The following P3H2 variants were observed in gnomAD, a reference collection of about 807,000 sequenced individuals.
P3H2 encodes the protein prolyl 3-hydroxylase 2.
P3H2 carries 80 observed loss-of-function variants against 87.0 expected under a neutral mutation model. That is an observed-to-expected ratio of 0.92 (90% CI 0.77 to 1.11). The LOEUF (loss-of-function observed/expected upper bound fraction) is 1.11, where lower values mean the gene tolerates loss of function less well. Ranked by LOEUF, P3H2 falls within the 50% of genes least tolerant of loss-of-function variation. The pLI is 0.00. For missense variants in P3H2, 1,001 were observed against 923.9 expected (o/e 1.08, Z -1.08); for synonymous variants, 367 against 359.3 (o/e 1.02, Z -0.24).
At chr3:190,001,611 C>T (rs796638727) in intron 1 of P3H2, among the ~76,000 whole-genome samples, 116 of 152,258 alleles carry the variant, frequency 7.6e-4, no homozygotes, top group African/African-American at 2.7e-3. Flanking sequence ...TGTTTCTAAG[C>T]CACAGCGCAA....
intron 1 of P3H2, among the ~76,000 whole-genome samples, chr3:190,045,722 A>G (rs909610447): frequency 2.0e-5 from 3 of 152,148 alleles, no homozygotes; most frequent in Non-Finnish European, 4.4e-5. Flanking sequence ...CAATCAGTTG[A>G]AAGCCCTTAA....
chr3:190,025,864 A>C (rs909362931), intron 1 of P3H2, among the ~76,000 whole-genome samples: 8 of 151,724 alleles, frequency 5.3e-5, no homozygotes, highest in Non-Finnish European at 1.2e-4. Context: ...ACCATGGACC[A>C]AAAAAAAATT....
chr3:190,121,065 CGGCCGG>C (rs1712567014), upstream of P3H2: 1 of 329,772 alleles, frequency 3.0e-6, no homozygotes, highest in African/African-American at 2.2e-5. Flanking sequence ...CGCTTGAGGC[CGGCCGG>C]GGACGAGGCG....
chr3:190,121,989 G>A (rs571602361), upstream of P3H2, among the ~76,000 whole-genome samples: 6 of 151,634 alleles, frequency 4.0e-5, no homozygotes, highest in East Asian at 1.2e-3. Flanking sequence ...CTACTCAGGA[G>A]GCTGAGGCAG....
At chr3:190,023,064 G>A (rs1316979769) in intron 1 of P3H2, among the ~76,000 whole-genome samples, 3 of 151,984 alleles carry the variant, frequency 2.0e-5, no homozygotes, top group Admixed American at 6.6e-5. Context: ...CTGACCTCAC[G>A]ATCCGCCCGC....
chr3:190,031,508 G>T (rs1314129079), intron 1 of P3H2, among the ~76,000 whole-genome samples: 1 of 151,892 alleles, frequency 6.6e-6, no homozygotes, highest in Non-Finnish European at 1.5e-5. Context: ...ATGGTGGCAG[G>T]CACCTGGAAT....
chr3:190,114,263 A>G (rs190893339), intron 1 of P3H2, among the ~76,000 whole-genome samples: 21,161 of 146,146 alleles, frequency 0.14, 1,749 homozygotes, highest in Middle Eastern at 0.21. Context: ...GGCTCACTGC[A>G]AGCTCCGCCT....
chr3:190,083,445 G>C (rs1727116226), intron 1 of P3H2, among the ~76,000 whole-genome samples: 1 of 152,150 alleles, frequency 6.6e-6, no homozygotes, highest in East Asian at 1.9e-4. Flanking sequence ...ATTTCCTAAA[G>C]ACTGGAAAAA....
Position 189,994,107 on chromosome 3 carries a change from A to G in P3H2, c.810T>C (p.Tyr270=). The G allele has an allele frequency of 6.2e-7, 1 of 1,612,682 alleles. No homozygotes were observed. The change falls in exon 3 of 15, where the codon TAT becomes TAC. Residue 270 remains tyrosine, a synonymous_variant. Coordinates refer to ENST00000319332, the MANE Select transcript of P3H2 (RefSeq NM_018192.4). ...YEYLGYKAGL[Y]EAIADHYMQV... is the part of the protein sequence containing the mutation. Reference sequence around the variant, plus strand: ...TTAAGCTTTTACCTGCAATAGCTTCATACAGACCAGCCTTATACCCTAAAT... The same window carrying G: ...TTAAGCTTTTACCTGCAATAGCTTCGTACAGACCAGCCTTATACCCTAAAT...
chr3:190,080,327 G>C (rs182779047), intron 1 of P3H2, among the ~76,000 whole-genome samples: 4 of 152,304 alleles, frequency 2.6e-5, no homozygotes, highest in African/African-American at 9.6e-5. Flanking sequence ...CATAGTAAGA[G>C]TTTTGGCCAC....
rs181058519 is a variant in P3H2, at chr3:190,070,088, A to T, written c.480+50164T>A. Among the ~76,000 whole-genome samples the T allele has an allele frequency of 3.8e-4, 58 of 152,254 alleles. No individual in the cohort carries two copies. In the Middle Eastern group the frequency reaches 0.01, roughly 27 times the overall value. ...CGTGGTGGCTATGGAGAAACTGATG[A>T]CATAGGAAAACAGAAAAAAAGGATA... On this transcript the variant is annotated intron_variant, in intron 1 of 14. Coordinates refer to ENST00000319332, the MANE Select transcript of P3H2 (RefSeq NM_018192.4).
At chr3:190,045,747 C>T (rs374852415) in intron 1 of P3H2, among the ~76,000 whole-genome samples, 28 of 150,508 alleles carry the variant, frequency 1.9e-4, no homozygotes, top group African/African-American at 5.6e-4. Context: ...AGAATTGAAA[C>T]ACCTTAGGAA....
At position 190,057,458 on chromosome 3, in the gene P3H2, C is replaced by T. The variant is rs563619485; in HGVS notation, c.481-62016G>A. 9.9e-5 allele frequency among the ~76,000 whole-genome samples: 15 copies of T among 152,266 alleles called. No individual in the cohort carries two copies. In the East Asian group the frequency reaches 2.5e-3, roughly 25 times the overall value. ...ATGTCTGGAATGAAATTCTCTGCTC[C>T]TTCTCATGACTTTCTTCTAAGGCCT... On this transcript the variant is annotated intron_variant, in intron 1 of 14. Transcript: ENST00000319332.
rs574075163 is a variant in P3H2, at chr3:190,117,185, CTT to C, written c.480+3065_480+3066del. 2.9e-3 allele frequency among the ~76,000 whole-genome samples: 448 copies of C among 152,362 alleles called. 4 individuals are homozygous for C. The highest frequency in any genetic ancestry group is 0.01 in the African/African-American group (434 of 41,582). On this transcript the variant is annotated intron_variant, in intron 1 of 14. Transcript: ENST00000319332. The stretch of plus-strand genomic sequence containing the variant: ...TAAATATGTGACACTGAGCAAACCT[CTT>C]TACCTTTCTATTAAACATTTAGAAA...
intron 1 of P3H2, among the ~76,000 whole-genome samples, chr3:190,093,617 C>T (rs544136895): frequency 7.9e-5 from 12 of 152,266 alleles, no homozygotes; most frequent in African/African-American, 2.9e-4. Flanking sequence ...AAACTGAAGT[C>T]ATCAAAGGTG....
chr3:190,056,658 T>C (rs935587413), intron 1 of P3H2, among the ~76,000 whole-genome samples: 2 of 152,176 alleles, frequency 1.3e-5, no homozygotes, highest in African/African-American at 4.8e-5. Context: ...TGGGGGTCCA[T>C]AGAAATGACA....
rs1447798311 is a variant in P3H2, at chr3:190,120,326, G to T, written c.406C>A (p.Arg136Ser). 2 of 1,602,236 alleles carry T rather than the reference G, an allele frequency of 1.2e-6. No individual in the cohort carries two copies. The highest frequency in any genetic ancestry group is 2.7e-5 in the African/African-American group (2 of 74,822). The change falls in exon 1 of 15, where the codon CGC becomes AGC. Residue 136 changes from arginine (R) to serine (S), a missense_variant. Arg to Ser is a moderately radical substitution (Grantham distance 110). Coordinates refer to ENST00000319332, the MANE Select transcript of P3H2 (RefSeq NM_018192.4). ...QRLGGPASRH[R>S]VSEDVRSDFQ... ...TCGCTGCGCACATCCTCGCTGACGC[G>T]GTGGCGGGATGCGGGGCCCCCGAGG...
chr3:189,974,596 A>G lies in P3H2; in HGVS notation c.1414T>C (p.Ser472Pro). Residue 472 changes from serine (S) to proline (P), a missense_variant, in exon 9 of 15, where the codon TCG (serine) becomes CCG (proline). Transcript: ENST00000319332. ...TGGAGCTCCCGGCACTGTTCTTCCG[A>G]CAGGACGTTATCCAGGAGAACCCGC... ...TQRVLLDNVLSEEQCRELHSV... is the reference protein window; with the variant it reads ...TQRVLLDNVLPEEQCRELHSV... The G allele has an allele frequency of 6.2e-7, 1 of 1,614,084 alleles. No homozygotes were observed. Among genetic ancestry groups the G allele is most frequent in the Non-Finnish European group, 8.5e-7 (1 of 1,180,030 alleles).
chr3:189,979,752 G>A (rs1030092090), intron 8 of P3H2, among the ~76,000 whole-genome samples: 3 of 151,532 alleles, frequency 2.0e-5, no homozygotes, highest in Admixed American at 6.6e-5. Flanking sequence ...AACTGAGGTC[G>A]GGAGTTCAAG....
Sources: allele counts gnomAD v4.1 joint callset (sites outside exome capture counted in the v4.1 genomes callset), GRCh38; gene constraint gnomAD v4.1.1; transcripts MANE v1.5; gene names NCBI Gene and HGNC (gene_info 2026-07-23, HGNC 2026-07-21).